Variants in VPS13C observed in about 807,000 individuals in gnomAD.
The protein encoded by VPS13C is intermembrane lipid transfer protein VPS13C.
VPS13C carries 358 observed loss-of-function variants against 456.8 expected under a neutral mutation model. That is an observed-to-expected ratio of 0.78 (90% CI 0.72 to 0.86). The LOEUF (loss-of-function observed/expected upper bound fraction) is 0.86. Among genes scored for constraint, VPS13C ranks in the 40% least tolerant of loss-of-function variants. The pLI is 0.00. For missense variants in VPS13C, 4,818 were observed against 4,385.4 expected, an observed-to-expected ratio of 1.10 and a Z score of -2.79; for synonymous variants, 1,578 against 1,486.7, an observed-to-expected ratio of 1.06 and a Z score of -1.41.
intron 3 of VPS13C, among the ~76,000 whole-genome samples, chr15:62,040,191 C>T (rs1427245902): frequency 1.3e-5 from 2 of 151,994 alleles, no homozygotes; most frequent in Non-Finnish European, 2.9e-5. Flanking sequence ...GAGAGTAGAA[C>T]AATGGTTACC....
At chr15:61,896,883 C>G (rs2042837773) in intron 66 of VPS13C, among the ~76,000 whole-genome samples, 1 of 152,202 alleles carries the variant, frequency 6.6e-6, no homozygotes, top group Admixed American at 6.5e-5. Flanking sequence ...CAGTGGTTCT[C>G]CCAGTATGCA....
rs1567081515 is a variant in VPS13C, at chr15:61,991,686, T to C, written c.1470A>G (p.Ser490=). Residue 490 remains serine, a synonymous_variant, in exon 17 of 85, where the codon TCA becomes TCG. Coordinates refer to ENST00000644861, the MANE Select transcript of VPS13C (RefSeq NM_020821.3). ...CTTGGAACTTACTTTCAGGAATCAA[T>C]GATTCTTCGTCCTTTTTCTTAGACT... ...KKESKKKDEE[S]LIPETIDDLM... The C allele has an allele frequency of 6.2e-7, 1 of 1,611,896 alleles. No homozygotes were observed. Among genetic ancestry groups the C allele is most frequent in the Non-Finnish European group, 8.5e-7 (1 of 1,178,928 alleles).
chr15:62,015,228 G>C (rs925793258), intron 9 of VPS13C, among the ~76,000 whole-genome samples: 1 of 152,096 alleles, frequency 6.6e-6, no homozygotes, highest in Non-Finnish European at 1.5e-5. Context: ...CTGTATACTT[G>C]TTTTTGTCGA....
At chr15:62,043,142 T>G (rs1316366463) in intron 2 of VPS13C, among the ~76,000 whole-genome samples, 4 of 152,008 alleles carry the variant, frequency 2.6e-5, no homozygotes, top group Non-Finnish European at 5.9e-5. Context: ...TTTAAAAAGT[T>G]GTAGCTTCCT....
Position 61,977,068 on chromosome 15 carries a change from A to C in VPS13C, c.2408+14T>G, listed in dbSNP as rs1490662388. On this transcript the variant is annotated intron_variant, in intron 24 of 84. Transcript: ENST00000644861. ...CCTGTTGATTTTCTAATATAAAAGA[A>C]GTTTATACATTACCTGGCCATTCTA... 8 of 1,531,956 alleles carry C rather than the reference A, an allele frequency of 5.2e-6. No homozygotes were observed. The highest frequency in any genetic ancestry group is 6.3e-6 in the Non-Finnish European group (7 of 1,116,386). The allele number at this position is 1,531,956 out of a possible 1,614,324, so 94.9% of individuals were successfully genotyped here.
chr15:62,032,832 CACTCTATAGACT>C (rs2047863653), intron 5 of VPS13C, among the ~76,000 whole-genome samples: 1 of 151,724 alleles, frequency 6.6e-6, no homozygotes, highest in South Asian at 2.1e-4. Context: ...TTCAATTCAT[CACTCTATAGACT>C]ACTCTTTTTC....
chr15:62,046,343 A>G (rs778669067), intron 1 of VPS13C, among the ~76,000 whole-genome samples: 3 of 152,186 alleles, frequency 2.0e-5, no homozygotes, highest in Non-Finnish European at 4.4e-5. Context: ...GTAATAAAGT[A>G]GTCATGGAAG....
chr15:62,002,076 T>A (rs758991382), intron 15 of VPS13C, among the ~76,000 whole-genome samples: 1 of 152,200 alleles, frequency 6.6e-6, no homozygotes, highest in Non-Finnish European at 1.5e-5. Context: ...TAGTTCTAGT[T>A]CCCTGAGGAA....
At position 61,873,422 on chromosome 15, in the gene VPS13C, AG is replaced by A. The variant is rs762957380; in HGVS notation, c.10415-14del. ...CCTGCTGCACCACCTATCAAAGACAAGGGATTAATTTCTAGAATATACAAGG... is the reference window on the plus strand; with the variant it reads ...CCTGCTGCACCACCTATCAAAGACAAGGATTAATTTCTAGAATATACAAGG... On this transcript the variant is annotated splice_polypyrimidine_tract_variant and intron_variant, in intron 77 of 84. Transcript: ENST00000644861. 5 of 1,612,780 alleles carry A rather than the reference AG, an allele frequency of 3.1e-6. No homozygotes were observed. The Admixed American group carries it at 8.3e-5, about 27-fold the overall frequency.
At chr15:62,037,286 T>C (rs1306094750) in intron 3 of VPS13C, among the ~76,000 whole-genome samples, 2 of 50,148 alleles carry the variant, frequency 4.0e-5, no homozygotes, top group Non-Finnish European at 6.9e-5. Flanking sequence ...ATATTATATA[T>C]ATTATATTAT....
chr15:62,023,065 C>T (rs978652050), intron 8 of VPS13C, among the ~76,000 whole-genome samples: 1 of 151,912 alleles, frequency 6.6e-6, no homozygotes, highest in Non-Finnish European at 1.5e-5. Flanking sequence ...AGTTATTCAT[C>T]ACCTTTTAGA....
At chr15:62,007,257 T>TA in intron 15 of VPS13C, 51 bp downstream of exon 15, 1 of 1,274,806 alleles carries the variant, frequency 7.8e-7, no homozygotes, top group Non-Finnish European at 1.0e-6. Context: ...AGAAGAATAT[T>TA]AAAGGATGAT....
At chr15:62,031,621 T>C (rs1360111231) in intron 5 of VPS13C, among the ~76,000 whole-genome samples, 1 of 151,980 alleles carries the variant, frequency 6.6e-6, no homozygotes, top group Non-Finnish European at 1.5e-5. Flanking sequence ...TAAAACTGAG[T>C]GTTAAAAGAG....
intron 16 of VPS13C, among the ~76,000 whole-genome samples, chr15:62,000,223 G>C (rs145566489): frequency 6.6e-6 from 1 of 152,018 alleles, no homozygotes; most frequent in African/African-American, 2.4e-5. Context: ...AAAATTAGCC[G>C]GGCGTGGTGG....
chr15:62,060,182 G>A (rs929773317), intron 1 of VPS13C, 93 bp downstream of exon 1: 29 of 621,316 alleles, frequency 4.7e-5, no homozygotes, highest in Non-Finnish European at 5.4e-5. Flanking sequence ...CTCAGGCGGC[G>A]CAGGGAGCAG....
At chr15:62,026,870 T>C (rs2047658685) in intron 6 of VPS13C, among the ~76,000 whole-genome samples, 1 of 152,126 alleles carries the variant, frequency 6.6e-6, no homozygotes, top group Admixed American at 6.5e-5. Flanking sequence ...TGTGAGTGCA[T>C]GGCAGTGAAG....
At chr15:62,051,971 G>A (rs1567152596) in intron 1 of VPS13C, among the ~76,000 whole-genome samples, 3 of 152,262 alleles carry the variant, frequency 2.0e-5, no homozygotes, top group East Asian at 3.9e-4. Flanking sequence ...TATACATGAA[G>A]AAATTAAAGT....
chr15:62,001,313 G>A (rs2046604735), intron 15 of VPS13C, among the ~76,000 whole-genome samples: 1 of 152,154 alleles, frequency 6.6e-6, no homozygotes, highest in African/African-American at 2.4e-5. Context: ...AAATCCATCT[G>A]ACGCCAATAA....
At chr15:62,017,481 T>A (rs2047298607) in intron 9 of VPS13C, among the ~76,000 whole-genome samples, 1 of 152,180 alleles carries the variant, frequency 6.6e-6, no homozygotes, top group Admixed American at 6.5e-5. Context: ...AAGGAAGGGA[T>A]CCAGTTTCAG....
Sources: gnomAD v4.1 joint callset for allele counts (sites outside exome capture counted in the v4.1 genomes callset) on GRCh38, gnomAD v4.1.1 for gene constraint, MANE v1.5 for transcripts, NCBI Gene and HGNC (gene_info 2026-07-23, HGNC 2026-07-21) for gene names.